Variants in ADAM32 observed in about 807,000 individuals in gnomAD.
ADAM32 encodes the protein ADAM metallopeptidase domain 32, also known as disintegrin and metalloproteinase domain-containing protein 32.
In ADAM32, 89 loss-of-function variants were observed where a neutral mutation model predicts 114.9. That is an observed-to-expected ratio of 0.77 (90% CI 0.65 to 0.92). The LOEUF is 0.92. Ranked by LOEUF, ADAM32 falls within the 40% of genes least tolerant of loss-of-function variation. The pLI is 0.00. For missense variants in ADAM32, 870 were observed against 932.8 expected, an observed-to-expected ratio of 0.93 and a Z score of 0.88; for synonymous variants, 285 against 307.5, an observed-to-expected ratio of 0.93 and a Z score of 0.77.
intron 16 of ADAM32, among the ~76,000 whole-genome samples, chr8:39,243,409 A>G (rs1360847653): frequency 6.6e-6 from 1 of 152,274 alleles, no homozygotes; most frequent in Non-Finnish European, 1.5e-5. Flanking sequence ...AACTGAATGC[A>G]ACAGCATATC....
chr8:39,210,107 C>T (rs2129448301), intron 11 of ADAM32, among the ~76,000 whole-genome samples: 1 of 152,246 alleles, frequency 6.6e-6, no homozygotes, highest in East Asian at 1.9e-4. Context: ...GATGAATTTT[C>T]TTCTTAGCTG....
At chr8:39,222,931 A>C (rs1016874293) in intron 13 of ADAM32, 109 bp from the exon 14 acceptor site, 2 of 814,366 alleles carry the variant, frequency 2.5e-6, no homozygotes, top group Non-Finnish European at 3.7e-6. Flanking sequence ...ATTAATATAC[A>C]TTAATGGATA....
intron 11 of ADAM32, among the ~76,000 whole-genome samples, chr8:39,197,883 C>A (rs1323413413): frequency 2.0e-5 from 3 of 152,108 alleles, no homozygotes; most frequent in African/African-American, 7.2e-5. Flanking sequence ...TGATGTTCTG[C>A]CTAGATGATC....
At chr8:39,282,235 A>G (rs907752982) in intron 23 of ADAM32, among the ~76,000 whole-genome samples, 2 of 152,158 alleles carry the variant, frequency 1.3e-5, no homozygotes, top group Non-Finnish European at 2.9e-5. Context: ...GGTCAAGTCC[A>G]TGTTTATTTT....
At chr8:39,157,293 G>T (rs1196802719) in intron 6 of ADAM32, among the ~76,000 whole-genome samples, 3 of 152,030 alleles carry the variant, frequency 2.0e-5, no homozygotes, top group African/African-American at 7.2e-5. Context: ...ATTCTACTTG[G>T]AGTTTGTTAA....
intron 16 of ADAM32, among the ~76,000 whole-genome samples, chr8:39,240,816 G>A (rs919103803): frequency 6.6e-6 from 1 of 152,088 alleles, no homozygotes; most frequent in Non-Finnish European, 1.5e-5. Context: ...ATTTGGGTGG[G>A]GACAGAGCCT....
At chr8:39,239,693 A>G (rs556685735) in intron 16 of ADAM32, among the ~76,000 whole-genome samples, 1 of 152,232 alleles carries the variant, frequency 6.6e-6, no homozygotes, top group Admixed American at 6.5e-5. Context: ...CACCTAACAC[A>G]TAAGGATTCA....
chr8:39,170,008 A>G lies in ADAM32; in HGVS notation c.915+11A>G, dbSNP rs1283684290. 2 of 1,528,626 alleles carry G rather than the reference A, an allele frequency of 1.3e-6. No individual in the cohort carries two copies. The highest frequency in any genetic ancestry group is 1.8e-6 in the Non-Finnish European group (2 of 1,117,578). The allele number at this position is 1,528,626 out of a possible 1,614,324, so 94.7% of individuals were successfully genotyped here. A position where few individuals can be genotyped will look rare whatever the true frequency, so the allele number is the denominator to read the frequency against. ...GCAGGAGTTGCATTGGTATGTAACT[A>G]TTTAATCTTATTTTTTAAATTAACA... On this transcript the variant is annotated intron_variant, in intron 10 of 24. Transcript: ENST00000379907.
intron 2 of ADAM32, among the ~76,000 whole-genome samples, chr8:39,126,996 A>G (rs1170367324): frequency 6.6e-6 from 1 of 152,156 alleles, no homozygotes; most frequent in Non-Finnish European, 1.5e-5. Flanking sequence ...TGTTGAACCA[A>G]CCTTGCATCC....
rs531917743 is a variant in ADAM32 at position 39,149,680 on chromosome 8, T to G, written c.277-111T>G. 662 of 755,020 alleles carry G rather than the reference T, an allele frequency of 8.8e-4. 9 individuals are homozygous for G. The South Asian group carries it at 0.011, about 13-fold the overall frequency. 46.8% of individuals were successfully genotyped at this position (755,020 alleles called of 1,614,324 possible). A position where few individuals can be genotyped will look rare whatever the true frequency, so the allele number is the denominator to read the frequency against. On this transcript the variant is annotated intron_variant, in intron 4 of 24. Transcript: ENST00000379907. The stretch of plus-strand genomic sequence containing the variant: ...TTCACCTTACTTGTACTGATATAAA[T>G]CACGGAGCCTGTGAAAAATATTCAG...
At chr8:39,112,649 T>G (rs1306115298) in intron 1 of ADAM32, among the ~76,000 whole-genome samples, 1 of 152,168 alleles carries the variant, frequency 6.6e-6, no homozygotes, top group Non-Finnish European at 1.5e-5. Flanking sequence ...ATTACATCAT[T>G]CCCCCATTCA....
rs369332570 is a variant in ADAM32 at position 39,130,821 on chromosome 8, A to G, written c.139-5836A>G. On this transcript the variant is annotated intron_variant, in intron 2 of 24. Transcript: ENST00000379907. ...CCTAGAATATGGTCAATCATGAAGA[A>G]TATTAATTATGCACTTGAAAAGAAT... 6.9e-4 allele frequency: 314 copies of G among 454,568 alleles called. 5 individuals carry two copies. The highest frequency in any genetic ancestry group is 4.2e-3 in the South Asian group (264 of 63,578). The allele number at this position is 454,568 out of a possible 1,614,324, so 28.2% of individuals were successfully genotyped here.
chr8:39,267,340 G>A (rs944639490), intron 19 of ADAM32, among the ~76,000 whole-genome samples: 4 of 152,152 alleles, frequency 2.6e-5, no homozygotes, highest in African/African-American at 7.2e-5. Flanking sequence ...TCATATGATT[G>A]TATGTACTTT....
intron 9 of ADAM32, chr8:39,167,654 A>T (rs1266243339): frequency 2.0e-5 from 3 of 152,094 alleles, no homozygotes; most frequent in African/African-American, 7.2e-5. Context: ...CACAATATTG[A>T]TTCGATCCAT....
intron 1 of ADAM32, among the ~76,000 whole-genome samples, chr8:39,113,488 A>G (rs915387112): frequency 6.6e-6 from 1 of 152,178 alleles, no homozygotes; most frequent in African/African-American, 2.4e-5. Context: ...TCTGAATTCA[A>G]AAACTCAAAA....
chr8:39,120,531 G>A (rs899560948), intron 2 of ADAM32, among the ~76,000 whole-genome samples: 10 of 152,250 alleles, frequency 6.6e-5, no homozygotes, highest in Non-Finnish European at 1.2e-4. Context: ...GGAGGCTGAC[G>A]TGGGCAGATT....
rs200552114 is a variant in ADAM32, at chr8:39,232,106, A to G, written c.1605A>G (p.Arg535=). 63 of 1,607,808 alleles carry G rather than the reference A, an allele frequency of 3.9e-5. No individual in the cohort carries two copies. In the East Asian group the frequency reaches 1.4e-3, roughly 36 times the overall value. Residue 535 remains arginine (R), a synonymous_variant, in exon 15 of 25, where the codon AGA becomes AGG. Transcript: ENST00000379907. ...GATTTGGGAACTGTGGTAGGGATAGAAATAACAAATATGTGTTCTGTGGAT... is the reference window on the plus strand; with the variant it reads ...GATTTGGGAACTGTGGTAGGGATAGGAATAACAAATATGTGTTCTGTGGAT... ...SDRFGNCGRD[R]NNKYVFCGWR...
chr8:39,119,965 A>G (rs1206794613), intron 2 of ADAM32, among the ~76,000 whole-genome samples: 1 of 152,220 alleles, frequency 6.6e-6, no homozygotes, highest in Non-Finnish European at 1.5e-5. Context: ...ACTTATAAGA[A>G]GAGGAAATAT....
intron 14 of ADAM32, among the ~76,000 whole-genome samples, chr8:39,229,684 T>C (rs1809607662): frequency 6.6e-6 from 1 of 151,726 alleles, no homozygotes; most frequent in Non-Finnish European, 1.5e-5. Flanking sequence ...ATCACTGGAG[T>C]TCCCAAATTT....
Sources: gnomAD v4.1 joint callset for allele counts (sites outside exome capture counted in the v4.1 genomes callset) on GRCh38, gnomAD v4.1.1 for gene constraint, MANE v1.5 for transcripts, NCBI Gene and HGNC (gene_info 2026-07-23, HGNC 2026-07-21) for gene names.